Variants in DOCK10 observed in about 807,000 individuals in gnomAD.
The protein encoded by DOCK10 is dedicator of cytokinesis protein 10.
DOCK10 carries 145 observed loss-of-function variants against 280.1 expected under a neutral mutation model. The ratio of observed to expected loss-of-function variants is 0.52; its 90% confidence interval spans 0.45 to 0.59. DOCK10 has a LOEUF of 0.59. Ranked by LOEUF, DOCK10 falls within the 20% of genes least tolerant of loss-of-function variation. DOCK10 has a pLI of 0.00. For synonymous variants in DOCK10, 915 were observed against 942.2 expected (o/e 0.97, Z 0.53); for missense variants, 2,368 against 2,651.7 (o/e 0.89, Z 2.35).
In DOCK10 at chr2:224,778,187, G is replaced by T. The variant is rs1444885092; in HGVS notation, c.5753C>A (p.Ala1918Glu). The change falls in exon 51 of 56, where the codon GCA becomes GAA. Residue 1918 changes from alanine (A) to glutamate (E), a missense_variant. Transcript: ENST00000258390. ...CACATTGTCTGCTCCAAATTTATCT[G>T]CATAGAGCTTGAGTAATCTTTGGGA... is the stretch of plus-strand genomic sequence containing the variant. ...EISQRLLKLY[A>E]DKFGADNVKI... is the part of the protein sequence containing the mutation. 6.2e-7 allele frequency: 1 copy of T among 1,613,288 alleles called. No individual in the cohort carries two copies. The highest frequency in any genetic ancestry group is 8.5e-7 in the Non-Finnish European group (1 of 1,179,480).
At chr2:225,003,605 C>T (rs1706494939) in intron 1 of DOCK10, among the ~76,000 whole-genome samples, 1 of 152,202 alleles carries the variant, frequency 6.6e-6, no homozygotes, top group Non-Finnish European at 1.5e-5. Flanking sequence ...AAAACACAGA[C>T]ATACGCTTCA....
At chr2:224,929,761 C>T (rs141938361) in intron 2 of DOCK10, among the ~76,000 whole-genome samples, 2 of 152,132 alleles carry the variant, frequency 1.3e-5, no homozygotes, top group African/African-American at 4.8e-5. Flanking sequence ...GGGAAGATGC[C>T]AAAACTTTAC....
rs763419675 is a variant in DOCK10 at position 224,864,894 on chromosome 2, G to A, written c.1451C>T (p.Pro484Leu). 1.5e-5 allele frequency: 24 copies of A among 1,613,918 alleles called. No homozygotes were observed. Among genetic ancestry groups the A allele is most frequent in the Non-Finnish European group, 1.9e-5 (22 of 1,179,874 alleles). ...QSEEPHIKGL[P>L]EEWLKFPKQA... ...CTTTGGAAATTTTAGCCATTCCTCTGGAAGTCCCTTGATGTGAGGTTCTTC... is the reference window on the plus strand; with the variant it reads ...CTTTGGAAATTTTAGCCATTCCTCTAGAAGTCCCTTGATGTGAGGTTCTTC... The change falls in exon 12 of 56, where the codon CCA becomes CTA. Residue 484 changes from proline to leucine, a missense_variant. By Grantham distance (98) the Pro-to-Leu change is moderately conservative. This residue lies in a region of DOCK10 where 1,209 missense variants were observed against 1,250.9 expected (regional missense o/e 0.97). Transcript: ENST00000258390.
At chr2:224,891,649 G>T (rs1699663705) in intron 4 of DOCK10, among the ~76,000 whole-genome samples, 1 of 152,098 alleles carries the variant, frequency 6.6e-6, no homozygotes, top group Non-Finnish European at 1.5e-5. Flanking sequence ...GAAGTCAATA[G>T]CAAAACTCAG....
chr2:224,825,369 T>G (rs756755153), intron 27 of DOCK10, among the ~76,000 whole-genome samples: 1 of 152,184 alleles, frequency 6.6e-6, no homozygotes, highest in East Asian at 1.9e-4. Context: ...TATTTAAAAT[T>G]TATTGTTGAA....
chr2:225,007,460 AAGTCTAAGAAGTTGTACTTTAAGG>A (rs1689307409), intron 1 of DOCK10, among the ~76,000 whole-genome samples: 1 of 152,236 alleles, frequency 6.6e-6, no homozygotes, highest in African/African-American at 2.4e-5. Context: ...CATGCAAGTT[AAGTCTAAGAAGTTGTACTTTAAGG>A]AGGATTAAAA....
At chr2:224,878,670 T>C (rs570792108) in intron 7 of DOCK10, among the ~76,000 whole-genome samples, 1 of 152,370 alleles carries the variant, frequency 6.6e-6, no homozygotes, top group East Asian at 1.9e-4. Context: ...TTGGCTAAAA[T>C]GCTAACTATG....
intron 2 of DOCK10, among the ~76,000 whole-genome samples, chr2:224,927,616 C>T (rs554888472): frequency 6.6e-5 from 10 of 152,218 alleles, no homozygotes; most frequent in African/African-American, 2.2e-4. Flanking sequence ...AGATACCAGA[C>T]GAAGTCTCTG....
chr2:224,945,293 G>A (rs2126095908), intron 1 of DOCK10, among the ~76,000 whole-genome samples: 1 of 152,266 alleles, frequency 6.6e-6, no homozygotes, highest in Admixed American at 6.5e-5. Context: ...GGCTCTTTTG[G>A]AGTCAGTAGG....
Position 224,781,087 on chromosome 2 carries a change from C to T in DOCK10, c.5656-2803G>A, listed in dbSNP as rs190096004. 3.3e-5 allele frequency among the ~76,000 whole-genome samples: 5 copies of T among 152,152 alleles called. No homozygotes were observed. In the South Asian group the frequency reaches 6.2e-4, roughly 19 times the overall value. On this transcript the variant is annotated intron_variant, in intron 50 of 55. Transcript: ENST00000258390. ...ATGTTGAGGATGGTAATGATCATGA[C>T]GCTGGTGGTGATGACAACAATGATG...
intron 1 of DOCK10, among the ~76,000 whole-genome samples, chr2:224,957,209 A>G (rs2126144406): frequency 6.6e-6 from 1 of 151,768 alleles, no homozygotes; most frequent in South Asian, 2.1e-4. Flanking sequence ...GAAGTTGCCA[A>G]AACTTCTTGG....
At chr2:224,878,429 C>CT (rs1439787354) in intron 7 of DOCK10, among the ~76,000 whole-genome samples, 3 of 152,196 alleles carry the variant, frequency 2.0e-5, no homozygotes, top group Non-Finnish European at 2.9e-5. Flanking sequence ...CCTATATACT[C>CT]TAACAACTGT....
chr2:224,888,881 T>C (rs939761399), intron 4 of DOCK10, among the ~76,000 whole-genome samples: 6 of 152,120 alleles, frequency 3.9e-5, no homozygotes, highest in African/African-American at 1.4e-4. Flanking sequence ...TGTGTATGTA[T>C]ATATTAATGT....
chr2:224,813,106 A>G (rs907837119), intron 31 of DOCK10, among the ~76,000 whole-genome samples: 3 of 152,236 alleles, frequency 2.0e-5, no homozygotes, highest in African/African-American at 7.2e-5. Flanking sequence ...AGACTTAAAA[A>G]ATAGAACTAT....
At chr2:224,833,465 C>T (rs1695384830) in intron 26 of DOCK10, among the ~76,000 whole-genome samples, 2 of 150,880 alleles carry the variant, frequency 1.3e-5, no homozygotes, top group Admixed American at 6.6e-5. Flanking sequence ...TCCCCATGGC[C>T]AGCACCCTCT....
intron 55 of DOCK10, 25 bp from the exon 56 acceptor site, chr2:224,765,862 C>T (rs189053050): frequency 1.3e-6 from 2 of 1,563,292 alleles, no homozygotes; most frequent in African/African-American, 1.4e-5. Flanking sequence ...AAACACAACA[C>T]AACAGAATGC....
chr2:224,837,162 C>T (rs1695645113), intron 25 of DOCK10, among the ~76,000 whole-genome samples: 1 of 152,166 alleles, frequency 6.6e-6, no homozygotes. Flanking sequence ...AACATCATCA[C>T]AAGTTCACTG....
intron 1 of DOCK10, among the ~76,000 whole-genome samples, chr2:224,940,231 C>T (rs1328685567): frequency 2.6e-5 from 4 of 152,186 alleles, no homozygotes; most frequent in African/African-American, 7.2e-5. Context: ...CCACCCATTT[C>T]CCACTGTTCT....
At chr2:224,788,469 C>T (rs1336452659) in intron 48 of DOCK10, among the ~76,000 whole-genome samples, 2 of 151,848 alleles carry the variant, frequency 1.3e-5, no homozygotes, top group East Asian at 3.9e-4. Context: ...GGTGTAGAAC[C>T]ATTTGTAAAA....
Sources: gnomAD v4.1 joint callset for allele counts (sites outside exome capture counted in the v4.1 genomes callset) on GRCh38, gnomAD v4.1.1 for gene constraint, gnomAD v4.1.1 regional missense constraint, MANE v1.5 for transcripts, NCBI Gene and HGNC (gene_info 2026-07-23, HGNC 2026-07-21) for gene names.